NUP153: variants seen among roughly 807,000 people sequenced by gnomAD.
The protein encoded by NUP153 is nucleoporin 153, also known as nuclear pore complex protein Nup153.
NUP153 carries 27 observed loss-of-function variants against 134.6 expected under a neutral mutation model. The ratio of observed to expected loss-of-function variants is 0.20; its 90% CI spans 0.15 to 0.28. NUP153 has a LOEUF of 0.28. Among genes scored for constraint, NUP153 ranks in the 10% least tolerant of loss-of-function variants. The probability of loss-of-function intolerance (pLI) is 1.00; values close to 1 mark genes in which losing one functional copy is unlikely to be tolerated. For missense variants in NUP153, 1,821 were observed against 1,731.3 expected (o/e 1.05, Z -0.92); for synonymous variants, 640 against 623.5 (o/e 1.03, Z -0.40).
At chr6:17,697,295 T>C (rs1769717063) in intron 1 of NUP153, among the ~76,000 whole-genome samples, 1 of 152,192 alleles carries the variant, frequency 6.6e-6, no homozygotes. Context: ...AAATTCAATC[T>C]GGGGATTAGA....
intron 15 of NUP153, among the ~76,000 whole-genome samples, chr6:17,639,172 G>A (rs1398208663): frequency 6.6e-6 from 1 of 151,812 alleles, no homozygotes; most frequent in African/African-American, 2.4e-5. Flanking sequence ...CCACCTCCCA[G>A]GTTCAAGCAA....
At chr6:17,700,637 G>C (rs981423929) in intron 1 of NUP153, among the ~76,000 whole-genome samples, 2 of 152,110 alleles carry the variant, frequency 1.3e-5, no homozygotes. Flanking sequence ...TACCAGGCAG[G>C]ACATACTTAT....
chr6:17,635,173 G>T (rs1765484645), intron 16 of NUP153, among the ~76,000 whole-genome samples: 2 of 132,158 alleles, frequency 1.5e-5, no homozygotes, highest in African/African-American at 5.8e-5. Flanking sequence ...GCAGTGGCAT[G>T]ATCTCGGCTC....
chr6:17,675,479 A>C lies in NUP153; in HGVS notation c.583+43T>G, dbSNP rs1768165982. ...GTCAGAAAAAAAACCCATAAAATTT[A>C]ATGTTACTACCCAAATTATGTACTA... On this transcript the variant is annotated intron_variant, in intron 3 of 21. Coordinates refer to ENST00000262077, the MANE Select transcript of NUP153 (RefSeq NM_005124.4). This position sits in a 1 kb window ranked among gnomAD's most constrained non-coding sequence, Gnocchi z 4.4. 6.3e-7 allele frequency: 1 copy of C among 1,596,534 alleles called. No homozygotes were observed. The highest frequency in any genetic ancestry group is 1.4e-5 in the African/African-American group (1 of 73,906).
chr6:17,668,220 T>C (rs1561889457), intron 8 of NUP153, among the ~76,000 whole-genome samples: 1 of 151,498 alleles, frequency 6.6e-6, no homozygotes, highest in Non-Finnish European at 1.5e-5. Context: ...AGATTACAGG[T>C]GCGCACCGCC....
intron 9 of NUP153, among the ~76,000 whole-genome samples, chr6:17,662,816 G>GA (rs1767274840): frequency 6.6e-6 from 1 of 152,130 alleles, no homozygotes. Context: ...GTAGGTAACT[G>GA]AAATCTAATC....
chr6:17,700,394 T>C (rs894230824), intron 1 of NUP153, among the ~76,000 whole-genome samples: 2 of 152,174 alleles, frequency 1.3e-5, no homozygotes, highest in Non-Finnish European at 2.9e-5. Context: ...AGAACAGGGA[T>C]CCAAACTCAG....
chr6:17,704,748 T>C (rs540234307), intron 1 of NUP153, among the ~76,000 whole-genome samples: 1 of 149,722 alleles, frequency 6.7e-6, no homozygotes, highest in Admixed American at 6.7e-5. Context: ...AAAAAATTCC[T>C]CAAATCTTTA....
Position 17,706,181 on chromosome 6 carries a change from G to C in NUP153, c.111+96C>G. On this transcript the variant is annotated intron_variant, in intron 1 of 21. Transcript: ENST00000262077. The surrounding 1 kb of genome is among the most constrained non-coding windows in gnomAD (Gnocchi z 5.9). The stretch of plus-strand genomic sequence containing the variant: ...CTCGGGCCTTTCCTCAGGCCCTCCT[G>C]TCTGCTCCACGTGGGGCGCCGGGGC... 1.0e-6 allele frequency: 1 copy of C among 998,740 alleles called. No homozygotes were observed. Among genetic ancestry groups the C allele is most frequent in the Non-Finnish European group, 1.6e-6 (1 of 644,510 alleles). The allele number at this position is 998,740 out of a possible 1,614,324, so 61.9% of individuals were successfully genotyped here. A position where few individuals can be genotyped will look rare whatever the true frequency, so the allele number is the denominator to read the frequency against.
rs774889438 is a variant in NUP153, at chr6:17,706,417, G to A, written c.-30C>T. ...GAGCCTCCGCCGCTTCCCGCTCCGG[G>A]GCGGGTAAGGGGGCGGGAGAGGCAG... On this transcript the variant is annotated 5_prime_UTR_variant, in exon 1 of 22. Coordinates refer to ENST00000262077, the MANE Select transcript of NUP153 (RefSeq NM_005124.4). The surrounding 1 kb of genome is among the most constrained non-coding windows in gnomAD (Gnocchi z 5.9). The A allele has an allele frequency of 7.7e-6, 12 of 1,564,170 alleles. No individual in the cohort carries two copies. The highest frequency in any genetic ancestry group is 1.4e-5 in the African/African-American group (1 of 73,894).
chr6:17,627,650 G>A (rs1236327408), intron 18 of NUP153, among the ~76,000 whole-genome samples: 3 of 152,058 alleles, frequency 2.0e-5, no homozygotes, highest in Non-Finnish European at 2.9e-5. Context: ...TGTGAGCTAC[G>A]GCACCCGGAT....
At chr6:17,666,812 T>A (rs1480230498) in intron 8 of NUP153, among the ~76,000 whole-genome samples, 1 of 152,246 alleles carries the variant, frequency 6.6e-6, no homozygotes, top group Non-Finnish European at 1.5e-5. Flanking sequence ...GTCCAAAGAC[T>A]GTAATCCTAT....
chr6:17,684,882 A>G (rs1419323323), intron 2 of NUP153, among the ~76,000 whole-genome samples: 1 of 152,204 alleles, frequency 6.6e-6, no homozygotes, highest in African/African-American at 2.4e-5. Flanking sequence ...CACACACAAC[A>G]TTTACTGATT....
Position 17,661,790 on chromosome 6 carries a change from A to G in NUP153, c.1269-11T>C, listed in dbSNP as rs181507477. 3.5e-4 allele frequency: 560 copies of G among 1,608,464 alleles called. 1 individual carries two copies. Among genetic ancestry groups the G allele is most frequent in the Admixed American group, 1.6e-3 (96 of 58,432 alleles). On this transcript the variant is annotated splice_polypyrimidine_tract_variant and intron_variant, in intron 10 of 21. Coordinates refer to ENST00000262077, the MANE Select transcript of NUP153 (RefSeq NM_005124.4). ...GGATATGAAAAGCCACTGGCAAATA[A>G]AAAGAAAATTAAAACAACTGATATA...
chr6:17,624,931 T>C (rs1764852538), intron 19 of NUP153, 98 bp from the exon 20 acceptor site: 3 of 1,227,056 alleles, frequency 2.4e-6, no homozygotes, highest in Non-Finnish European at 1.1e-6. Flanking sequence ...CAAGCTTCGT[T>C]TCAGACTCTT....
intron 8 of NUP153, among the ~76,000 whole-genome samples, chr6:17,666,033 C>G (rs1767515512): frequency 6.6e-6 from 1 of 151,162 alleles, no homozygotes; most frequent in African/African-American, 2.4e-5. Flanking sequence ...CTGTGTTGCC[C>G]AGGCTGATCT....
chr6:17,649,990 G>A (rs1766422925), intron 11 of NUP153, among the ~76,000 whole-genome samples: 1 of 152,092 alleles, frequency 6.6e-6, no homozygotes, highest in Non-Finnish European at 1.5e-5. Context: ...GGAGTCTGGA[G>A]AGCCACTTTG....
chr6:17,650,757 T>C (rs1200787521), intron 11 of NUP153, among the ~76,000 whole-genome samples: 1 of 152,156 alleles, frequency 6.6e-6, no homozygotes, highest in Non-Finnish European at 1.5e-5. Flanking sequence ...AAAAACTTTT[T>C]TCTCTTAATT....
intron 2 of NUP153, among the ~76,000 whole-genome samples, chr6:17,682,737 TG>T (rs905774741): frequency 1.3e-5 from 2 of 151,822 alleles, no homozygotes; most frequent in Non-Finnish European, 2.9e-5. Flanking sequence ...GCCAACACGG[TG>T]AAACCCCATC....
Sources: allele counts gnomAD v4.1 joint callset (sites outside exome capture counted in the v4.1 genomes callset), GRCh38; gene constraint gnomAD v4.1.1; non-coding constraint Gnocchi (gnomAD v3.1); transcripts MANE v1.5; gene names NCBI Gene and HGNC (gene_info 2026-07-23, HGNC 2026-07-21).